PHKB: variants seen among roughly 807,000 people sequenced by gnomAD.
PHKB encodes the protein phosphorylase kinase regulatory subunit beta, also known as phosphorylase b kinase regulatory subunit beta.
PHKB carries 122 observed loss-of-function variants against 152.1 expected under a neutral mutation model. That is an observed-to-expected ratio of 0.80 (90% confidence interval 0.69 to 0.93). PHKB has a LOEUF of 0.93. Ranked by LOEUF, PHKB falls within the 40% of genes least tolerant of loss-of-function variation. The pLI is 0.00. For synonymous variants in PHKB, 436 were observed against 464.9 expected, an observed-to-expected ratio of 0.94 and a Z score of 0.80; for missense variants, 1,304 against 1,328.4, an observed-to-expected ratio of 0.98 and a Z score of 0.29.
intron 10 of PHKB, chr16:47,590,648 T>G (rs560119513): frequency 6.6e-6 from 1 of 152,360 alleles, no homozygotes; most frequent in South Asian, 2.1e-4. Flanking sequence ...CCTCGCACAC[T>G]TCCAACTTTG....
chr16:47,556,835 G>A (rs1971379750), intron 7 of PHKB, among the ~76,000 whole-genome samples: 1 of 152,210 alleles, frequency 6.6e-6, no homozygotes. Context: ...AATAGCTTCA[G>A]AAGGAATGGT....
intron 8 of PHKB, among the ~76,000 whole-genome samples, chr16:47,580,637 A>G (rs907892859): frequency 6.7e-6 from 1 of 149,634 alleles, no homozygotes; most frequent in Non-Finnish European, 1.5e-5. Context: ...CCTCAAATCT[A>G]TTACTCATTT....
chr16:47,523,808 G>T (rs576763624), intron 6 of PHKB, among the ~76,000 whole-genome samples: 54 of 152,298 alleles, frequency 3.5e-4, no homozygotes, highest in African/African-American at 1.3e-3. Context: ...ATCTATGTGA[G>T]CTCTGAGGTC....
intron 4 of PHKB, among the ~76,000 whole-genome samples, chr16:47,503,843 A>G (rs1805535369): frequency 6.6e-6 from 1 of 152,182 alleles, no homozygotes. Context: ...ACAAAAAGAA[A>G]AAAAAGAAAA....
chr16:47,698,257 A>T (rs565718960), intron 29 of PHKB, among the ~76,000 whole-genome samples, 191 bp from the exon 30 acceptor site: 1 of 152,348 alleles, frequency 6.6e-6, no homozygotes, highest in East Asian at 1.9e-4. Context: ...ACACAATGAA[A>T]AAAAAGGTGC....
intron 20 of PHKB, among the ~76,000 whole-genome samples, chr16:47,659,603 G>A (rs901171606): frequency 5.3e-5 from 8 of 152,156 alleles, no homozygotes; most frequent in Admixed American, 5.2e-4. Context: ...AGGTCATTTA[G>A]TTTGTTCAAC....
rs2142114944 is a variant in PHKB at position 47,700,221 on chromosome 16, A to G, written c.*855A>G. 6.6e-6 allele frequency: 1 copy of G among 152,014 alleles called. No homozygotes were observed. Among genetic ancestry groups the G allele is most frequent in the Middle Eastern group, 3.4e-3 (1 of 294 alleles). 9.4% of individuals were successfully genotyped at this position (152,014 alleles called of 1,614,324 possible). A position where few individuals can be genotyped will look rare whatever the true frequency, so the allele number is the denominator to read the frequency against. ...AAAAATTAGCCAGGCATGATGGTGC[A>G]TGCCTTTAAACCCAGCTACTGAGGA... On this transcript the variant is annotated 3_prime_UTR_variant, in exon 31 of 31. Transcript: ENST00000323584.
At chr16:47,692,268 T>G (rs1031567406) in intron 27 of PHKB, among the ~76,000 whole-genome samples, 2 of 152,236 alleles carry the variant, frequency 1.3e-5, no homozygotes, top group Admixed American at 6.5e-5. Flanking sequence ...CATATTTCCC[T>G]TGTAATTGAG....
chr16:47,487,907 G>A (rs2151637016), intron 1 of PHKB, among the ~76,000 whole-genome samples: 1 of 152,280 alleles, frequency 6.6e-6, no homozygotes, highest in South Asian at 2.1e-4. Context: ...ACATACACAT[G>A]CATGTGTCTT....
intron 26 of PHKB, among the ~76,000 whole-genome samples, chr16:47,682,856 C>T (rs1009557767): frequency 2.0e-5 from 3 of 152,160 alleles, no homozygotes; most frequent in Non-Finnish European, 4.4e-5. Flanking sequence ...TTAGAGTTTC[C>T]AGTTTTTCTG....
chr16:47,489,273 G>A (rs1349111256), intron 1 of PHKB, among the ~76,000 whole-genome samples: 4 of 152,102 alleles, frequency 2.6e-5, no homozygotes, highest in Admixed American at 1.3e-4. Flanking sequence ...GGATGGTCTC[G>A]ATCTCCTGAC....
intron 25 of PHKB, among the ~76,000 whole-genome samples, chr16:47,668,800 A>G (rs1222478531): frequency 6.6e-6 from 1 of 152,252 alleles, no homozygotes; most frequent in East Asian, 1.9e-4. Context: ...TGCCTGAGAA[A>G]CTATAAAAGA....
chr16:47,499,004 T>C (rs960694903), intron 2 of PHKB, among the ~76,000 whole-genome samples: 2 of 152,244 alleles, frequency 1.3e-5, no homozygotes, highest in Non-Finnish European at 2.9e-5. Flanking sequence ...AAATAGTTTT[T>C]AGTAAATGTA....
At position 47,687,363 on chromosome 16, in the gene PHKB, T is replaced by A. The variant is rs145694928; in HGVS notation, c.2631-1678T>A. Among the ~76,000 whole-genome samples, 165 of 152,346 alleles carry A rather than the reference T, an allele frequency of 1.1e-3. 1 individual carries two copies. The highest frequency in any genetic ancestry group is 3.8e-3 in the African/African-American group (156 of 41,596). ...CAAAGCATCCAAAAGAACTATGTTC[T>A]TGTTACTTTTATGCTTGTGTAACGT... On this transcript the variant is annotated intron_variant, in intron 26 of 30. Transcript: ENST00000323584.
chr16:47,600,235 A>G (rs954899346), intron 13 of PHKB, among the ~76,000 whole-genome samples: 3 of 152,164 alleles, frequency 2.0e-5, no homozygotes, highest in African/African-American at 7.2e-5. Context: ...TCCTGAACCA[A>G]GGCCTGAACT....
chr16:47,672,245 TC>T (rs1470424279), intron 26 of PHKB, among the ~76,000 whole-genome samples: 3 of 152,190 alleles, frequency 2.0e-5, no homozygotes, highest in Admixed American at 2.0e-4. Context: ...TAAAATAGTT[TC>T]TTTCAAAGAT....
chr16:47,661,673 C>A, intron 22 of PHKB, 46 bp from the exon 23 acceptor site: 1 of 1,233,160 alleles, frequency 8.1e-7, no homozygotes, highest in Non-Finnish European at 1.2e-6. Context: ...GTGGTAACTG[C>A]TGTACCCATT....
chr16:47,601,378 T>C (rs73551221), intron 13 of PHKB, among the ~76,000 whole-genome samples: 16,530 of 152,166 alleles, frequency 0.11, 1,877 homozygotes, highest in African/African-American at 0.29. Flanking sequence ...CACTATGTCC[T>C]AAAAAGAGAT....
chr16:47,625,749 T>C (rs1972698026), intron 14 of PHKB, among the ~76,000 whole-genome samples: 1 of 152,184 alleles, frequency 6.6e-6, no homozygotes, highest in South Asian at 2.1e-4. Flanking sequence ...CTCACTGAAA[T>C]GTAAGTTTAA....
Sources: gnomAD v4.1 joint callset for allele counts (sites outside exome capture counted in the v4.1 genomes callset) on GRCh38, gnomAD v4.1.1 for gene constraint, MANE v1.5 for transcripts, NCBI Gene and HGNC (gene_info 2026-07-23, HGNC 2026-07-21) for gene names.